VPS41: variants seen among roughly 807,000 people sequenced by gnomAD.
VPS41 encodes vacuolar protein sorting-associated protein 41 homolog.
Under a neutral mutation model 130.9 loss-of-function variants are expected in VPS41, and 85 were observed. The observed-to-expected ratio is 0.65, with a 90% CI of 0.55 to 0.78. The LOEUF (loss-of-function observed/expected upper bound fraction) is 0.78, where lower values mean the gene tolerates loss of function less well. Ranked by LOEUF, VPS41 falls within the 30% of genes least tolerant of loss-of-function variation. The probability of loss-of-function intolerance (pLI) is 0.00; values close to 1 mark genes in which losing one functional copy is unlikely to be tolerated. For synonymous variants in VPS41, 335 were observed against 332.9 expected (o/e 1.01, Z -0.07); for missense variants, 874 against 1,018.7 (o/e 0.86, Z 1.93).
rs532333287 is a variant in VPS41 at position 38,755,704 on chromosome 7, C to T, written c.1696-768G>A. Among the ~76,000 whole-genome samples, 69 of 152,292 alleles carry T rather than the reference C, an allele frequency of 4.5e-4. 2 individuals are homozygous for T. The South Asian group carries it at 0.013, about 28-fold the overall frequency. On this transcript the variant is annotated intron_variant, in intron 19 of 28. Transcript: ENST00000310301. ...CTAACCAGAAGACTCTGATTCCTTA[C>T]ATCTGGATCACATTCTAGAATAGCA...
At chr7:38,898,409 T>C (rs1432504078) in intron 1 of VPS41, among the ~76,000 whole-genome samples, 1 of 152,154 alleles carries the variant, frequency 6.6e-6, no homozygotes, top group East Asian at 1.9e-4. Context: ...CTCTCTCCCT[T>C]GTTAATAATG....
Position 38,848,078 on chromosome 7 carries a change from G to C in VPS41, c.246+14467C>G, listed in dbSNP as rs142520474. On this transcript the variant is annotated intron_variant, in intron 4 of 28. Coordinates refer to ENST00000310301, the MANE Select transcript of VPS41 (RefSeq NM_014396.4). ...GAAATTATTGTTATAATGCTCTCCA[G>C]TGTAAAAACACTGCTTTATCAATCC... 3.0e-3 allele frequency among the ~76,000 whole-genome samples: 455 copies of C among 152,268 alleles called. 2 individuals carry two copies. The highest frequency in any genetic ancestry group is 0.011 in the African/African-American group (443 of 41,566).
chr7:38,901,321 A>C lies in VPS41; in HGVS notation c.22-3192T>G, dbSNP rs138623921. Among the ~76,000 whole-genome samples the C allele has an allele frequency of 2.4e-3, 372 of 152,274 alleles. 2 individuals carry two copies. Among genetic ancestry groups the C allele is most frequent in the Middle Eastern group, 0.02 (6 of 294 alleles). On this transcript the variant is annotated intron_variant, in intron 1 of 28. Coordinates refer to ENST00000310301, the MANE Select transcript of VPS41 (RefSeq NM_014396.4). ...TTTGTGTTGCTCTAAAGGAATACCT[A>C]ACTAAGGCGGGTTAATTTATAAAGA...
intron 23 of VPS41, among the ~76,000 whole-genome samples, chr7:38,744,163 T>C (rs868311414): frequency 4.6e-5 from 7 of 152,218 alleles, no homozygotes; most frequent in Non-Finnish European, 8.8e-5. Flanking sequence ...TTATCAACCA[T>C]GCCTTCTATT....
At chr7:38,758,517 T>A in intron 17 of VPS41, 36 bp from the exon 18 acceptor site, 7 of 1,593,328 alleles carry the variant, frequency 4.4e-6, no homozygotes, top group Non-Finnish European at 6.0e-6. Context: ...AGAACACTCA[T>A]TCAACAGAAT....
At chr7:38,754,025 T>C (rs1041774631) in intron 21 of VPS41, among the ~76,000 whole-genome samples, 5 of 152,216 alleles carry the variant, frequency 3.3e-5, no homozygotes, top group African/African-American at 1.2e-4. Flanking sequence ...GTATAACTTT[T>C]AAAGGACATA....
At chr7:38,840,706 T>C (rs1390682611) in intron 4 of VPS41, among the ~76,000 whole-genome samples, 1 of 152,172 alleles carries the variant, frequency 6.6e-6, no homozygotes, top group Non-Finnish European at 1.5e-5. Context: ...AAACATTAAA[T>C]GTAAAATAAA....
intron 9 of VPS41, among the ~76,000 whole-genome samples, chr7:38,791,965 C>T (rs1784544270): frequency 6.6e-6 from 1 of 152,242 alleles, no homozygotes; most frequent in South Asian, 2.1e-4. Flanking sequence ...CCCTGAAAGA[C>T]AATGTTATTA....
At chr7:38,908,923 G>A (rs1787327292) in intron 1 of VPS41, among the ~76,000 whole-genome samples, 1 of 152,204 alleles carries the variant, frequency 6.6e-6, no homozygotes, top group African/African-American at 2.4e-5. Context: ...CCGAGGAAAG[G>A]CAGCCCGAAC....
At chr7:38,784,499 G>A (rs945623855) in intron 10 of VPS41, among the ~76,000 whole-genome samples, 1 of 152,170 alleles carries the variant, frequency 6.6e-6, no homozygotes, top group Non-Finnish European at 1.5e-5. Flanking sequence ...GCCAGGCATG[G>A]TGGTGCACGC....
chr7:38,825,949 G>A (rs1045937622), intron 5 of VPS41, among the ~76,000 whole-genome samples: 1 of 152,200 alleles, frequency 6.6e-6, no homozygotes, highest in African/African-American at 2.4e-5. Flanking sequence ...TTCCCAGTTA[G>A]ACTTCCCTTG....
intron 23 of VPS41, among the ~76,000 whole-genome samples, chr7:38,743,820 C>G (rs1232917218): frequency 6.6e-6 from 1 of 152,074 alleles, no homozygotes; most frequent in Non-Finnish European, 1.5e-5. Flanking sequence ...ACTAATATTC[C>G]TCTTTTATAG....
intron 14 of VPS41, among the ~76,000 whole-genome samples, chr7:38,768,415 G>A (rs1784090344): frequency 6.6e-6 from 1 of 151,608 alleles, no homozygotes; most frequent in Non-Finnish European, 1.5e-5. Context: ...AAAAAAAAAT[G>A]GCAGGAGCCC....
chr7:38,801,142 G>A (rs954308339), intron 7 of VPS41, among the ~76,000 whole-genome samples: 3 of 152,184 alleles, frequency 2.0e-5, no homozygotes, highest in Admixed American at 2.0e-4. Flanking sequence ...AAAACTTCCA[G>A]CAGAGGGGAG....
intron 4 of VPS41, among the ~76,000 whole-genome samples, chr7:38,839,570 A>G (rs1375200461): frequency 1.3e-5 from 2 of 152,034 alleles, no homozygotes; most frequent in Non-Finnish European, 2.9e-5. Flanking sequence ...CTGGGACTAC[A>G]GGCATGCACC....
At chr7:38,870,320 T>C (rs978530624) in intron 2 of VPS41, among the ~76,000 whole-genome samples, 1 of 151,986 alleles carries the variant, frequency 6.6e-6, no homozygotes, top group Non-Finnish European at 1.5e-5. Context: ...GAAAGAAAAA[T>C]GCAAACCAGC....
At chr7:38,827,133 A>T (rs2058073) in intron 5 of VPS41, among the ~76,000 whole-genome samples, 141,289 of 152,052 alleles carry the variant, frequency 0.93, 65,812 homozygotes, top group East Asian at 0.99. Context: ...TTCTAATTTT[A>T]AAAAAATTAA....
chr7:38,871,203 G>A (rs907856717), intron 2 of VPS41, among the ~76,000 whole-genome samples: 2 of 152,120 alleles, frequency 1.3e-5, no homozygotes, highest in African/African-American at 4.8e-5. Flanking sequence ...CACACCTAAG[G>A]TGCATCATAG....
At chr7:38,854,753 A>C (rs1785941431) in intron 4 of VPS41, among the ~76,000 whole-genome samples, 1 of 152,152 alleles carries the variant, frequency 6.6e-6, no homozygotes, top group Non-Finnish European at 1.5e-5. Context: ...ATGCAGAGAT[A>C]AATTACACAA....
Sources: gnomAD v4.1 joint callset for allele counts (sites outside exome capture counted in the v4.1 genomes callset) on GRCh38, gnomAD v4.1.1 for gene constraint, MANE v1.5 for transcripts, NCBI Gene and HGNC (gene_info 2026-07-23, HGNC 2026-07-21) for gene names.